ERC2: variants seen among roughly 807,000 people sequenced by gnomAD.
ERC2 encodes the protein ERC protein 2.
ERC2 carries 42 observed loss-of-function variants against 114.8 expected under a neutral mutation model. The observed-to-expected ratio is 0.37, with a 90% CI of 0.29 to 0.47. The LOEUF (loss-of-function observed/expected upper bound fraction) is 0.47. Ranked by LOEUF, ERC2 falls within the 20% of genes least tolerant of loss-of-function variation. The probability of loss-of-function intolerance (pLI) is 0.99; values close to 1 mark genes in which losing one functional copy is unlikely to be tolerated. For synonymous variants in ERC2, 454 were observed against 425.5 expected (o/e 1.07, Z -0.82); for missense variants, 939 against 1,150.7 (o/e 0.82, Z 2.66).
At chr3:55,789,104 T>G (rs1226739207) in intron 14 of ERC2, among the ~76,000 whole-genome samples, 1 of 152,230 alleles carries the variant, frequency 6.6e-6, no homozygotes, top group Non-Finnish European at 1.5e-5. Flanking sequence ...TTACAATAGT[T>G]CATGCTCATT....
At chr3:55,868,352 A>G (rs1367326750) in intron 14 of ERC2, among the ~76,000 whole-genome samples, 3 of 152,170 alleles carry the variant, frequency 2.0e-5, no homozygotes, top group Non-Finnish European at 4.4e-5. Context: ...GATTCCTGTA[A>G]ACTGTTTGTT....
intron 14 of ERC2, among the ~76,000 whole-genome samples, chr3:55,796,122 G>C (rs1486062967): frequency 6.6e-6 from 1 of 152,248 alleles, no homozygotes; most frequent in Non-Finnish European, 1.5e-5. Flanking sequence ...TCTTAGGCAA[G>C]AAGCATTTAA....
intron 7 of ERC2, among the ~76,000 whole-genome samples, chr3:56,053,257 G>T (rs1482974544): frequency 6.6e-6 from 1 of 152,118 alleles, no homozygotes; most frequent in African/African-American, 2.4e-5. Flanking sequence ...GCCACGAGTG[G>T]GTAAACTGAA....
intron 14 of ERC2, among the ~76,000 whole-genome samples, chr3:55,751,331 G>C (rs1383028228): frequency 6.6e-6 from 1 of 152,158 alleles, no homozygotes; most frequent in African/African-American, 2.4e-5. Context: ...TCAGACAAGA[G>C]CTCGAGCTCC....
Position 55,949,879 on chromosome 3 carries a change from T to C in ERC2, c.2403+546A>G, listed in dbSNP as rs531642408. Reference sequence around the variant, plus strand: ...GGTGGTTAATGAGGAAAAATTGGTGTTTCCAGTGAGTTGGTTTGTTTCTAA... The same window carrying C: ...GGTGGTTAATGAGGAAAAATTGGTGCTTCCAGTGAGTTGGTTTGTTTCTAA... On this transcript the variant is annotated intron_variant, in intron 13 of 17. Coordinates refer to ENST00000288221, the MANE Select transcript of ERC2 (RefSeq NM_015576.3). 3.9e-5 allele frequency among the ~76,000 whole-genome samples: 6 copies of C among 152,342 alleles called. No homozygotes were observed. The East Asian group carries it at 1.2e-3, about 29-fold the overall frequency.
chr3:56,024,329 C>T (rs547480086), intron 7 of ERC2, among the ~76,000 whole-genome samples: 1 of 152,278 alleles, frequency 6.6e-6, no homozygotes, highest in South Asian at 2.1e-4. Flanking sequence ...GAGCTCTGTC[C>T]CACTCGTTCT....
rs149896259 is a variant in ERC2, at chr3:55,828,907, C to T, written c.2564+59482G>A. Among the ~76,000 whole-genome samples, 539 of 152,214 alleles carry T rather than the reference C, an allele frequency of 3.5e-3. 3 individuals are homozygous for T. Among genetic ancestry groups the T allele is most frequent in the African/African-American group, 0.012 (508 of 41,540 alleles). ...TAATCCCAGCACTTTGGGAGGCTGA[C>T]GTAGGCAAATGACTTGAGCCAAGAA... On this transcript the variant is annotated intron_variant, in intron 14 of 17. Coordinates refer to ENST00000288221, the MANE Select transcript of ERC2 (RefSeq NM_015576.3).
At chr3:55,937,002 C>T (rs1044356358) in intron 13 of ERC2, among the ~76,000 whole-genome samples, 3 of 152,186 alleles carry the variant, frequency 2.0e-5, no homozygotes, top group African/African-American at 4.8e-5. Context: ...GGAGTCAACA[C>T]AGAAGCCAAT....
intron 4 of ERC2, among the ~76,000 whole-genome samples, chr3:56,153,759 T>A (rs757086795): frequency 2.6e-5 from 4 of 152,160 alleles, no homozygotes; most frequent in Admixed American, 6.6e-5. Flanking sequence ...TATCATTTAG[T>A]CACAAAAAGT....
intron 2 of ERC2, 32 bp downstream of exon 2, chr3:56,434,319 G>A (rs1175326961): frequency 1.3e-6 from 2 of 1,595,232 alleles, no homozygotes; most frequent in African/African-American, 1.3e-5. Flanking sequence ...AGAAGCCAAG[G>A]CTGAAAAATA....
intron 17 of ERC2, among the ~76,000 whole-genome samples, chr3:55,566,731 T>C (rs2056401285): frequency 6.6e-6 from 1 of 152,008 alleles, no homozygotes; most frequent in Admixed American, 6.6e-5. Context: ...CAGATTGTTG[T>C]TCTATTACCC....
chr3:56,323,682 C>T (rs566994979), intron 2 of ERC2, among the ~76,000 whole-genome samples: 1 of 152,192 alleles, frequency 6.6e-6, no homozygotes, highest in Non-Finnish European at 1.5e-5. Flanking sequence ...TATATACACA[C>T]AGCAATAAAC....
At chr3:55,765,159 A>T (rs2067689504) in intron 14 of ERC2, among the ~76,000 whole-genome samples, 1 of 152,102 alleles carries the variant, frequency 6.6e-6, no homozygotes, top group African/African-American at 2.4e-5. Flanking sequence ...TTATTTTTTG[A>T]CTGAATAAAA....
intron 2 of ERC2, among the ~76,000 whole-genome samples, chr3:56,301,261 T>G (rs1196300543): frequency 6.6e-6 from 1 of 152,186 alleles, no homozygotes; most frequent in Non-Finnish European, 1.5e-5. Flanking sequence ...ACCATAAAAT[T>G]TAGTGTTCAA....
At chr3:55,713,968 G>A (rs7610277) in intron 15 of ERC2, among the ~76,000 whole-genome samples, 34,514 of 152,054 alleles carry the variant, frequency 0.23, 4,563 homozygotes, top group African/African-American at 0.33. Context: ...CCAAAGTGAC[G>A]TTAGCATTAC....
In ERC2 at chr3:55,900,839, C is replaced by T. The variant is rs369711490; in HGVS notation, c.2404-12290G>A. On this transcript the variant is annotated intron_variant, in intron 13 of 17. Transcript: ENST00000288221. ...AGGAGCCATACTGTAGAAAGGTAATCATTACTGGTGATTTAGATAATATCC... is the reference window on the plus strand; with the variant it reads ...AGGAGCCATACTGTAGAAAGGTAATTATTACTGGTGATTTAGATAATATCC... Among the ~76,000 whole-genome samples, 13 of 152,312 alleles carry T rather than the reference C, an allele frequency of 8.5e-5. No individual in the cohort carries two copies. In the East Asian group the frequency reaches 1.9e-3, roughly 23 times the overall value.
At chr3:56,341,128 G>C (rs2058074485) in intron 2 of ERC2, among the ~76,000 whole-genome samples, 1 of 152,126 alleles carries the variant, frequency 6.6e-6, no homozygotes. Context: ...AATTAAAACA[G>C]ATTTGCAATT....
Position 56,032,977 on chromosome 3 carries a change from G to A in ERC2, c.1642-13946C>T, listed in dbSNP as rs1415685378. On this transcript the variant is annotated intron_variant, in intron 7 of 17. Transcript: ENST00000288221. ...AAAGAAACAGAAAGAAAGAAAGAAAGAGAAAGAAAGAAAGAAAGAAAGAAA... is the reference window on the plus strand; with the variant it reads ...AAAGAAACAGAAAGAAAGAAAGAAAAAGAAAGAAAGAAAGAAAGAAAGAAA... Among the ~76,000 whole-genome samples, 443 of 45,298 alleles carry A rather than the reference G, an allele frequency of 9.8e-3. 7 individuals are homozygous for A. Among genetic ancestry groups the A allele is most frequent in the South Asian group, 0.017 (18 of 1,070 alleles). 29.7% of individuals were successfully genotyped at this position (45,298 alleles called of 152,430 possible).
At chr3:56,269,349 A>G (rs2053514998) in intron 3 of ERC2, among the ~76,000 whole-genome samples, 1 of 152,200 alleles carries the variant, frequency 6.6e-6, no homozygotes. Flanking sequence ...TGGCACCACA[A>G]CTATCTAGAA....
Sources: allele counts gnomAD v4.1 joint callset (sites outside exome capture counted in the v4.1 genomes callset), GRCh38; gene constraint gnomAD v4.1.1; transcripts MANE v1.5; gene names NCBI Gene and HGNC (gene_info 2026-07-23, HGNC 2026-07-21).